Variants in KDM2A observed in about 807,000 individuals in gnomAD.
KDM2A encodes the protein lysine-specific demethylase 2A.
A neutral mutation model predicts 137.3 loss-of-function variants in KDM2A; 3 were observed. The observed-to-expected ratio is 0.02, with a 90% CI of 0.01 to 0.06. The LOEUF is 0.06. Ranked by LOEUF, KDM2A falls within the 10% of genes least tolerant of loss-of-function variation. KDM2A has a pLI of 1.00. For synonymous variants in KDM2A, 512 were observed against 541.5 expected, an observed-to-expected ratio of 0.95 and a Z score of 0.76; for missense variants, 738 against 1,510.6, an observed-to-expected ratio of 0.49 and a Z score of 8.48.
At chr11:67,135,710 C>T (rs926496807) in intron 2 of KDM2A, among the ~76,000 whole-genome samples, 1 of 152,128 alleles carries the variant, frequency 6.6e-6, no homozygotes, top group African/African-American at 2.4e-5. Context: ...GTCTTTTTGT[C>T]ATTTTAGTCT....
At chr11:67,224,186 T>C (rs375196411) in intron 10 of KDM2A, among the ~76,000 whole-genome samples, 17 of 152,264 alleles carry the variant, frequency 1.1e-4, no homozygotes, top group East Asian at 5.8e-4. Context: ...CTACCCGATA[T>C]AGAGTTTGTA....
intron 2 of KDM2A, among the ~76,000 whole-genome samples, chr11:67,144,652 C>T (rs181758106): frequency 2.8e-4 from 43 of 151,940 alleles, no homozygotes; most frequent in African/African-American, 1.0e-3. Flanking sequence ...ACTGCATCCA[C>T]AGTCTCCTGG....
intron 2 of KDM2A, among the ~76,000 whole-genome samples, chr11:67,145,324 A>AAC (rs143574720): frequency 6.6e-6 from 1 of 151,376 alleles, no homozygotes; most frequent in Non-Finnish European, 1.5e-5. Context: ...GTCTACAAAA[A>AAC]ACACACACAC....
intron 2 of KDM2A, among the ~76,000 whole-genome samples, chr11:67,140,488 A>G (rs1408513557): frequency 6.6e-6 from 1 of 151,986 alleles, no homozygotes; most frequent in East Asian, 1.9e-4. Flanking sequence ...GCGATGGTTC[A>G]CTCCTGTAAT....
chr11:67,198,570 C>G (rs1283456016), intron 5 of KDM2A, among the ~76,000 whole-genome samples: 6 of 151,704 alleles, frequency 4.0e-5, no homozygotes, highest in Non-Finnish European at 1.5e-5. Context: ...ATTAGCTGGG[C>G]GCAGTGGCGG....
Position 67,212,740 on chromosome 11 carries a change from G to A in KDM2A, c.487-2600G>A, listed in dbSNP as rs115440009. On this transcript the variant is annotated intron_variant, in intron 6 of 20. Transcript: ENST00000529006. ...GCAGGCAAAAATGACTGACTTTCTT[G>A]CTGCAATTAAGAAATTCTGCTTTCT... 7.3e-3 allele frequency among the ~76,000 whole-genome samples: 1,109 copies of A among 151,820 alleles called. 12 individuals carry two copies. The highest frequency in any genetic ancestry group is 0.025 in the African/African-American group (1,032 of 41,358).
chr11:67,164,851 G>A (rs1273474814), intron 2 of KDM2A, among the ~76,000 whole-genome samples: 4 of 151,714 alleles, frequency 2.6e-5, no homozygotes, highest in Non-Finnish European at 2.9e-5. Flanking sequence ...TACCCACCTC[G>A]GCCTCCCAAA....
intron 2 of KDM2A, among the ~76,000 whole-genome samples, chr11:67,135,315 C>T (rs1223705526): frequency 6.6e-6 from 1 of 152,148 alleles, no homozygotes; most frequent in Admixed American, 6.6e-5. Context: ...CCACCTGCCT[C>T]GGCCTCCAAA....
intron 5 of KDM2A, among the ~76,000 whole-genome samples, chr11:67,205,541 C>A (rs191939560): frequency 8.1e-4 from 124 of 152,224 alleles, no homozygotes; most frequent in African/African-American, 2.5e-3. Context: ...GATTCTCACA[C>A]CTCACCCTCC....
At position 67,245,641 on chromosome 11, in the gene KDM2A, C is replaced by A; in HGVS notation, c.1833+183C>A. 1.5e-6 allele frequency: 1 copy of A among 670,402 alleles called. No individual in the cohort carries two copies. The highest frequency in any genetic ancestry group is 2.5e-6 in the Non-Finnish European group (1 of 403,766). 41.5% of individuals were successfully genotyped at this position (670,402 alleles called of 1,614,324 possible). A position where few individuals can be genotyped will look rare whatever the true frequency, so the allele number is the denominator to read the frequency against. On this transcript the variant is annotated intron_variant, in intron 14 of 20. Coordinates refer to ENST00000529006, the MANE Select transcript of KDM2A (RefSeq NM_012308.3). This position sits in a 1 kb window ranked among gnomAD's most constrained non-coding sequence, Gnocchi z 4.1. ...ATAGAAGGTATCTAGTACTAAAAAT[C>A]CGATTTAATCTTTAGGCTTTACCTA... is the stretch of plus-strand genomic sequence containing the variant.
chr11:67,241,762 G>C (rs1186495994), intron 12 of KDM2A, among the ~76,000 whole-genome samples: 2 of 152,170 alleles, frequency 1.3e-5, no homozygotes, highest in African/African-American at 4.8e-5. Flanking sequence ...GGTTTCAGGA[G>C]TTTCTGTCTA....
In KDM2A at chr11:67,119,955, A is replaced by G. The variant is rs1003147936; in HGVS notation, c.-178A>G. ...CTCTGGATACTGGGTTGATCCACGG[A>G]AAAACCGAAGACGACGTTTGGGATT... is the stretch of plus-strand genomic sequence containing the variant. On this transcript the variant is annotated 5_prime_UTR_variant, in exon 1 of 21. Transcript: ENST00000529006. 6.6e-6 allele frequency: 1 copy of G among 152,304 alleles called. No individual in the cohort carries two copies. Among genetic ancestry groups the G allele is most frequent in the Non-Finnish European group, 1.5e-5 (1 of 68,096 alleles). The allele number at this position is 152,304 out of a possible 1,614,324, so 9.4% of individuals were successfully genotyped here.
At chr11:67,216,004 C>T in intron 8 of KDM2A, 55 bp downstream of exon 8, 1 of 1,344,072 alleles carries the variant, frequency 7.4e-7, no homozygotes. Flanking sequence ...TATGACTTTG[C>T]TTCAGTTCAT....
intron 2 of KDM2A, among the ~76,000 whole-genome samples, chr11:67,132,426 G>T (rs544104447): frequency 3.7e-4 from 56 of 152,266 alleles, no homozygotes; most frequent in African/African-American, 1.3e-3. Flanking sequence ...TGGGATTACA[G>T]GCACGTGCCA....
intron 5 of KDM2A, among the ~76,000 whole-genome samples, chr11:67,200,069 AG>A (rs1324472878): frequency 1.3e-5 from 2 of 152,232 alleles, no homozygotes; most frequent in African/African-American, 2.4e-5. Context: ...TCTGTTTTAC[AG>A]CATGGTTTAC....
intron 10 of KDM2A, among the ~76,000 whole-genome samples, chr11:67,222,057 T>C (rs775431857): frequency 9.4e-5 from 8 of 85,068 alleles, no homozygotes; most frequent in Non-Finnish European, 1.6e-4. Flanking sequence ...AACTCTGTCA[T>C]TCTTTTTTTT....
chr11:67,197,383 C>G (rs1331107040), intron 5 of KDM2A, among the ~76,000 whole-genome samples: 2 of 152,088 alleles, frequency 1.3e-5, no homozygotes, highest in Non-Finnish European at 2.9e-5. Context: ...GCCATGTTGC[C>G]CAGGCTGGTC....
chr11:67,253,214 A>G (rs779915018), intron 18 of KDM2A, among the ~76,000 whole-genome samples: 1 of 152,156 alleles, frequency 6.6e-6, no homozygotes, highest in Non-Finnish European at 1.5e-5. Flanking sequence ...GCTCTTAGAA[A>G]GACAGGAAGT....
intron 16 of KDM2A, among the ~76,000 whole-genome samples, chr11:67,248,771 A>G (rs969977017): frequency 1.3e-5 from 2 of 152,224 alleles, no homozygotes; most frequent in African/African-American, 4.8e-5. Flanking sequence ...CTTCCAGTTA[A>G]GCAGGTTCAC....
Sources: gnomAD v4.1 joint callset for allele counts (sites outside exome capture counted in the v4.1 genomes callset) on GRCh38, gnomAD v4.1.1 for gene constraint, Gnocchi (gnomAD v3.1) non-coding constraint, MANE v1.5 for transcripts, NCBI Gene and HGNC (gene_info 2026-07-23, HGNC 2026-07-21) for gene names.